The following REEP1 variants were observed in gnomAD, a reference collection of about 807,000 sequenced individuals.
REEP1 encodes the protein receptor expression-enhancing protein 1.
REEP1 carries 22 observed loss-of-function variants against 40.3 expected under a neutral mutation model. The ratio of observed to expected loss-of-function variants is 0.55; its 90% confidence interval spans 0.39 to 0.78. The LOEUF (loss-of-function observed/expected upper bound fraction) is 0.78, where lower values mean the gene tolerates loss of function less well. REEP1 is among the 30% of genes least tolerant of loss of function. The pLI, the probability that REEP1 is intolerant of heterozygous loss-of-function variation, is 0.00. For missense variants in REEP1, 280 were observed against 361.1 expected (o/e 0.78, Z 1.82); for synonymous variants, 116 against 139.2 (o/e 0.83, Z 1.17).
At chr2:86,314,671 G>GT (rs1290331198) in intron 1 of REEP1, among the ~76,000 whole-genome samples, 2 of 150,918 alleles carry the variant, frequency 1.3e-5, no homozygotes, top group Non-Finnish European at 3.0e-5. Flanking sequence ...TGGGGAGGCA[G>GT]TTTTTTCTTT....
intron 7 of REEP1, among the ~76,000 whole-genome samples, chr2:86,220,413 A>G (rs911327321): frequency 6.6e-6 from 1 of 152,158 alleles, no homozygotes; most frequent in Non-Finnish European, 1.5e-5. Flanking sequence ...AGGGGGCATC[A>G]CTTCCCTGGG....
intron 2 of REEP1, among the ~76,000 whole-genome samples, chr2:86,266,679 A>C (rs553209782): frequency 0.058 from 8,594 of 148,130 alleles, 363 homozygotes; most frequent in African/African-American, 0.11. Context: ...AAATAAATAA[A>C]TAAAGATATA....
intron 6 of REEP1, among the ~76,000 whole-genome samples, chr2:86,228,015 G>T (rs1674808151): frequency 1.3e-5 from 2 of 152,162 alleles, no homozygotes; most frequent in Admixed American, 6.5e-5. Context: ...ACACCTTCCA[G>T]CTCATTCTGC....
intron 1 of REEP1, among the ~76,000 whole-genome samples, chr2:86,328,600 A>G (rs1171548369): frequency 1.3e-5 from 2 of 152,154 alleles, no homozygotes; most frequent in African/African-American, 4.8e-5. Flanking sequence ...AATTGCTTGA[A>G]CCCAGGAGGT....
At chr2:86,277,055 AGAGACTT>A (rs1297490730) in intron 2 of REEP1, among the ~76,000 whole-genome samples, 2 of 152,218 alleles carry the variant, frequency 1.3e-5, no homozygotes, top group African/African-American at 4.8e-5. Context: ...AAGTGGAAGC[AGAGACTT>A]ATATTGTCTC....
At chr2:86,248,875 T>G (rs552674592) in intron 5 of REEP1, among the ~76,000 whole-genome samples, 13 of 152,318 alleles carry the variant, frequency 8.5e-5, no homozygotes, top group African/African-American at 2.6e-4. Context: ...CTTTGCAGCG[T>G]GTCTTTTTTT....
chr2:86,322,898 G>A (rs1680337692), intron 1 of REEP1, among the ~76,000 whole-genome samples: 2 of 152,136 alleles, frequency 1.3e-5, no homozygotes, highest in Non-Finnish European at 2.9e-5. Flanking sequence ...CTGGGCAACA[G>A]AGTGAGATGT....
intron 5 of REEP1, among the ~76,000 whole-genome samples, chr2:86,234,590 C>T (rs941257932): frequency 2.0e-5 from 3 of 152,132 alleles, no homozygotes; most frequent in Admixed American, 6.5e-5. Context: ...AGATCTGTTC[C>T]CAACCTACCA....
At chr2:86,277,313 T>C (rs1677808665) in intron 2 of REEP1, among the ~76,000 whole-genome samples, 2 of 152,070 alleles carry the variant, frequency 1.3e-5, no homozygotes, top group Non-Finnish European at 2.9e-5. Context: ...CCCAGCACTT[T>C]AGCAGGCCAA....
At chr2:86,310,400 T>G (rs2104482669) in intron 1 of REEP1, among the ~76,000 whole-genome samples, 4 of 152,306 alleles carry the variant, frequency 2.6e-5, no homozygotes, top group Middle Eastern at 6.8e-3. Context: ...TGTGCAGGTT[T>G]GCAGCCTAGG....
chr2:86,331,964 T>C (rs1680787234), intron 1 of REEP1, among the ~76,000 whole-genome samples: 3 of 152,124 alleles, frequency 2.0e-5, no homozygotes, highest in Admixed American at 2.0e-4. Flanking sequence ...TACCCACGCA[T>C]GCTTGAAGGC....
intron 1 of REEP1, among the ~76,000 whole-genome samples, chr2:86,293,442 T>C (rs1216275635): frequency 6.6e-6 from 1 of 152,166 alleles, no homozygotes; most frequent in African/African-American, 2.4e-5. Context: ...TAGAAGAAGA[T>C]GATGACTACA....
At chr2:86,221,107 C>G (rs1489838978) in intron 7 of REEP1, among the ~76,000 whole-genome samples, 1 of 152,192 alleles carries the variant, frequency 6.6e-6, no homozygotes, top group African/African-American at 2.4e-5. Flanking sequence ...CACAGCTCTT[C>G]TTGAGACACC....
rs557304665 is a variant in REEP1 at position 86,333,182 on chromosome 2, G to A, written c.32+4297C>T. Among the ~76,000 whole-genome samples the A allele has an allele frequency of 1.2e-3, 184 of 152,264 alleles. 2 individuals are homozygous for A. Among genetic ancestry groups the A allele is most frequent in the South Asian group, 9.5e-3 (46 of 4,820 alleles). On this transcript the variant is annotated intron_variant, in intron 1 of 8. Coordinates refer to ENST00000538924, the MANE Select transcript of REEP1 (RefSeq NM_001371279.1). The stretch of plus-strand genomic sequence containing the variant: ...CCTGCATGCCACATTTTAAAAGCAG[G>A]CCCCAAAGAAAAGCTAGCTTATATT...
chr2:86,335,903 T>C (rs1257203710), intron 1 of REEP1, among the ~76,000 whole-genome samples: 3 of 139,590 alleles, frequency 2.1e-5, no homozygotes, highest in Non-Finnish European at 1.6e-5. Flanking sequence ...ATAAAACTAA[T>C]GATAGTCACA....
intron 3 of REEP1, among the ~76,000 whole-genome samples, chr2:86,257,309 T>TA (rs1057134320): frequency 3.3e-5 from 5 of 149,530 alleles, no homozygotes; most frequent in Admixed American, 6.6e-5. Context: ...AGATGTCTTT[T>TA]AAAAAAAATA....
chr2:86,308,225 G>A (rs1679594126), intron 1 of REEP1, among the ~76,000 whole-genome samples: 1 of 152,210 alleles, frequency 6.6e-6, no homozygotes, highest in African/African-American at 2.4e-5. Context: ...TAATGCAAGT[G>A]GTAAAGGCTG....
chr2:86,269,217 A>G (rs1052728526), intron 2 of REEP1, among the ~76,000 whole-genome samples: 1 of 152,174 alleles, frequency 6.6e-6, no homozygotes, highest in African/African-American at 2.4e-5. Flanking sequence ...AGCTTGTTAG[A>G]ACACTTGTTC....
chr2:86,279,881 C>T (rs1286305618), intron 2 of REEP1: 2 of 447,486 alleles, frequency 4.5e-6, no homozygotes, highest in African/African-American at 2.0e-5. Context: ...TAAAATAGTA[C>T]ACAGGTGTTT....
Sources: allele counts gnomAD v4.1 joint callset (sites outside exome capture counted in the v4.1 genomes callset), GRCh38; gene constraint gnomAD v4.1.1; transcripts MANE v1.5; gene names NCBI Gene and HGNC (gene_info 2026-07-23, HGNC 2026-07-21).